Variants in JAK2 observed in about 807,000 individuals in gnomAD.
JAK2 encodes tyrosine-protein kinase JAK2.
In JAK2, 86 loss-of-function variants were observed where a neutral mutation model predicts 139.3. That is an observed-to-expected ratio of 0.62 (90% CI 0.52 to 0.74). The LOEUF is 0.74. Among genes scored for constraint, JAK2 ranks in the 30% least tolerant of loss-of-function variants. The probability of loss-of-function intolerance (pLI) is 0.00; values close to 1 mark genes in which losing one functional copy is unlikely to be tolerated. For missense variants in JAK2, 1,421 were observed against 1,360.3 expected (o/e 1.04, Z -0.70); for synonymous variants, 490 against 437.7 (o/e 1.12, Z -1.49).
rs573674354 is a variant in JAK2, at chr9:4,989,966, A to G, written c.-26+3944A>G. 6.6e-5 allele frequency among the ~76,000 whole-genome samples: 10 copies of G among 152,366 alleles called. 1 individual carries two copies. The South Asian group carries it at 2.1e-3, about 32-fold the overall frequency. On this transcript the variant is annotated intron_variant, in intron 2 of 24. Coordinates refer to ENST00000381652, the MANE Select transcript of JAK2 (RefSeq NM_004972.4). ...TTGAATTGAGAAAGAGTTTGCTGAA[A>G]TAAGTATTTTAGGAAAATCAAAGCA... is the stretch of plus-strand genomic sequence containing the variant.
At chr9:5,073,866 C>T in intron 14 of JAK2, 81 bp downstream of exon 14, 2 of 866,302 alleles carry the variant, frequency 2.3e-6, no homozygotes, top group South Asian at 2.9e-5. Context: ...TTCAGGATCA[C>T]AGCTAGGTGT....
chr9:5,041,310 T>C, intron 4 of JAK2: 1 of 799,174 alleles, frequency 1.3e-6, no homozygotes, highest in South Asian at 1.6e-5. Context: ...AAGAAGCACA[T>C]CCCGTGCAGC....
chr9:4,989,060 C>G (rs1587790262), intron 2 of JAK2, among the ~76,000 whole-genome samples: 1 of 152,302 alleles, frequency 6.6e-6, no homozygotes, highest in East Asian at 1.9e-4. Flanking sequence ...AGATTCCACT[C>G]TAATACTCCT....
In JAK2 at chr9:5,053,049, A is replaced by C. The variant is rs1266563927; in HGVS notation, c.615-1514A>C. ...TTCCTGGAACATATGGTAACTGTTTAACTTTTTGAGGAACTGCTTAACTTT... is the reference window on the plus strand; with the variant it reads ...TTCCTGGAACATATGGTAACTGTTTCACTTTTTGAGGAACTGCTTAACTTT... On this transcript the variant is annotated intron_variant, in intron 6 of 24. Transcript: ENST00000381652. Among the ~76,000 whole-genome samples the C allele has an allele frequency of 7.2e-5, 11 of 152,024 alleles. 1 individual carries two copies. Among genetic ancestry groups the C allele is most frequent in the Non-Finnish European group, 1.0e-4 (7 of 67,940 alleles).
intron 2 of JAK2, among the ~76,000 whole-genome samples, chr9:4,991,763 C>T (rs1289327376): frequency 1.5e-5 from 2 of 136,190 alleles, no homozygotes; most frequent in African/African-American, 2.7e-5. Context: ...TGTACTTTGC[C>T]GTTTTCACCT....
chr9:5,129,537 A>T lies in JAK2; in HGVS notation c.*2746A>T, dbSNP rs1342425227. The stretch of plus-strand genomic sequence containing the variant: ...TAATTTGGGGGCATAATGTACTAAG[A>T]ATCAGTTTGCTGTATATTAGAATAA... On this transcript the variant is annotated 3_prime_UTR_variant, in exon 25 of 25. Coordinates refer to ENST00000381652, the MANE Select transcript of JAK2 (RefSeq NM_004972.4). Among the ~76,000 whole-genome samples, 1 of 152,130 alleles carries T rather than the reference A, an allele frequency of 6.6e-6. No individual in the cohort carries two copies. Among genetic ancestry groups the T allele is most frequent in the Non-Finnish European group, 1.5e-5 (1 of 67,978 alleles).
At chr9:5,070,080 T>A (rs1229769815) in intron 12 of JAK2, 28 bp downstream of exon 12, 1 of 1,518,424 alleles carries the variant, frequency 6.6e-7, no homozygotes, top group Non-Finnish European at 9.0e-7. Flanking sequence ...CATTACTGTC[T>A]TTTTTGTCCT....
At chr9:5,096,342 A>G (rs768175459) in intron 22 of JAK2, among the ~76,000 whole-genome samples, 7 of 152,200 alleles carry the variant, frequency 4.6e-5, no homozygotes, top group Non-Finnish European at 1.0e-4. Flanking sequence ...AACAAACCCA[A>G]GGACTGCAAA....
chr9:5,006,933 T>C (rs957496119), intron 2 of JAK2, among the ~76,000 whole-genome samples: 101 of 152,346 alleles, frequency 6.6e-4, no homozygotes, highest in African/African-American at 2.3e-3. Context: ...ATATTCCTGT[T>C]GTCTTTTACA....
At chr9:5,030,985 T>C (rs1183821308) in intron 4 of JAK2, among the ~76,000 whole-genome samples, 4 of 152,142 alleles carry the variant, frequency 2.6e-5, no homozygotes, top group African/African-American at 7.2e-5. Flanking sequence ...GAAGATCCTA[T>C]GCAGTGTAGC....
rs1207993609 is a variant in JAK2 at position 5,054,353 on chromosome 9, T to TA, written c.615-209dup. Among the ~76,000 whole-genome samples the TA allele has an allele frequency of 6.6e-6, 1 of 152,004 alleles. No individual in the cohort carries two copies. Among genetic ancestry groups the TA allele is most frequent in the African/African-American group, 2.4e-5 (1 of 41,416 alleles). On this transcript the variant is annotated intron_variant, in intron 6 of 24. Coordinates refer to ENST00000381652, the MANE Select transcript of JAK2 (RefSeq NM_004972.4). The surrounding 1 kb of genome is among the most constrained non-coding windows in gnomAD (Gnocchi z 4.9). The stretch of plus-strand genomic sequence containing the variant: ...TCTTTTGTAAACATTGATGATAACT[T>TA]AGAGTGTGTGGATATATTTATATCA...
chr9:5,071,224 G>A (rs1413009199), intron 12 of JAK2, among the ~76,000 whole-genome samples: 2 of 152,006 alleles, frequency 1.3e-5, no homozygotes, highest in African/African-American at 4.8e-5. Flanking sequence ...TCTTAACCTA[G>A]GCAACCCATA....
chr9:4,997,321 A>G (rs1050462837), intron 2 of JAK2, among the ~76,000 whole-genome samples: 16 of 152,196 alleles, frequency 1.1e-4, no homozygotes, highest in Non-Finnish European at 2.2e-4. Flanking sequence ...ATGGTTCTGC[A>G]GGCTTACAAG....
At chr9:5,102,807 G>T (rs1365552248) in intron 22 of JAK2, among the ~76,000 whole-genome samples, 1 of 152,120 alleles carries the variant, frequency 6.6e-6, no homozygotes, top group East Asian at 1.9e-4. Flanking sequence ...CTTCATAAGT[G>T]AAGGAGAAAT....
chr9:5,071,090 G>A (rs1333671635), intron 12 of JAK2, among the ~76,000 whole-genome samples: 1 of 152,278 alleles, frequency 6.6e-6, no homozygotes, highest in East Asian at 1.9e-4. Flanking sequence ...GTCATCATAA[G>A]CTTTGGAATT....
At chr9:5,048,023 A>T (rs1394951012) in intron 5 of JAK2, among the ~76,000 whole-genome samples, 2 of 152,122 alleles carry the variant, frequency 1.3e-5, no homozygotes, top group African/African-American at 4.8e-5. Context: ...TTCTCTAGTG[A>T]ATAGTTTATT....
chr9:5,092,695 G>A (rs773190033), intron 22 of JAK2, among the ~76,000 whole-genome samples: 3 of 152,122 alleles, frequency 2.0e-5, no homozygotes, highest in Admixed American at 6.5e-5. Flanking sequence ...CAAGTCCCCC[G>A]AAACCAAATG....
At chr9:5,017,737 A>T (rs1189866563) in intron 2 of JAK2, among the ~76,000 whole-genome samples, 1 of 152,244 alleles carries the variant, frequency 6.6e-6, no homozygotes. Flanking sequence ...TTAAAGTTGC[A>T]TATCCAGTTG....
chr9:5,111,937 C>T (rs1396776019), intron 22 of JAK2: 2 of 346,624 alleles, frequency 5.8e-6, no homozygotes, highest in Non-Finnish European at 1.1e-5. Flanking sequence ...CCGGATCACT[C>T]AAGCAATAAC....
Sources: gnomAD v4.1 joint callset for allele counts (sites outside exome capture counted in the v4.1 genomes callset) on GRCh38, gnomAD v4.1.1 for gene constraint, Gnocchi (gnomAD v3.1) non-coding constraint, MANE v1.5 for transcripts, NCBI Gene and HGNC (gene_info 2026-07-23, HGNC 2026-07-21) for gene names.